SCN1A: variants seen among roughly 807,000 people sequenced by gnomAD.
SCN1A encodes the protein sodium voltage-gated channel alpha subunit 1.
A neutral mutation model predicts 193.7 loss-of-function variants in SCN1A; 13 were observed. The ratio of observed to expected loss-of-function variants is 0.07; its 90% CI spans 0.04 to 0.11. SCN1A has a LOEUF of 0.11. Ranked by LOEUF, SCN1A falls within the 10% of genes least tolerant of loss-of-function variation. SCN1A has a pLI of 1.00. For synonymous variants in SCN1A, 781 were observed against 843.6 expected (o/e 0.93, Z 1.29); for missense variants, 1,432 against 2,451.1 (o/e 0.58, Z 8.78).
chr2:166,139,413 TAGTGAATA>T (rs1264038832), intron 1 of SCN1A, among the ~76,000 whole-genome samples: 1 of 152,148 alleles, frequency 6.6e-6, no homozygotes, highest in Non-Finnish European at 1.5e-5. Context: ...GTTCTCATGA[TAGTGAATA>T]AGTCTCACAA....
At chr2:166,077,421 C>T (rs1685092733) in intron 3 of SCN1A, among the ~76,000 whole-genome samples, 1 of 151,810 alleles carries the variant, frequency 6.6e-6, no homozygotes, top group Non-Finnish European at 1.5e-5. Flanking sequence ...AGACACTTCA[C>T]CAAAGAAGAC....
chr2:166,135,998 A>G (rs773283589), intron 1 of SCN1A, among the ~76,000 whole-genome samples: 1 of 152,228 alleles, frequency 6.6e-6, no homozygotes, highest in Non-Finnish European at 1.5e-5. Flanking sequence ...ATGAAAGGCA[A>G]ACAGATTCTT....
chr2:165,986,295 T>G lies in SCN1A; in HGVS notation c.*4950A>C, dbSNP rs1228567172. The stretch of plus-strand genomic sequence containing the variant: ...GCTTAACTATAGACATATGAAAACC[T>G]TGTCATAAGGGTGCTGCTCTGTGGA... On this transcript the variant is annotated 3_prime_UTR_variant, in exon 29 of 29. Coordinates refer to ENST00000674923, the MANE Select transcript of SCN1A (RefSeq NM_001165963.4). 6.6e-6 allele frequency: 1 copy of G among 152,096 alleles called. No homozygotes were observed. The highest frequency in any genetic ancestry group is 1.5e-5 in the Non-Finnish European group (1 of 67,992). 9.4% of individuals were successfully genotyped at this position (152,096 alleles called of 1,614,324 possible).
intron 19 of SCN1A, among the ~76,000 whole-genome samples, chr2:166,035,383 C>G (rs755210883): frequency 6.6e-6 from 1 of 151,950 alleles, no homozygotes; most frequent in Non-Finnish European, 1.5e-5. Flanking sequence ...ACTATATTAC[C>G]CTTTAATTTA....
In SCN1A at chr2:166,031,804, G is replaced by T. The variant is rs1323023480; in HGVS notation, c.3429+4244C>A. On this transcript the variant is annotated intron_variant, in intron 19 of 28. Transcript: ENST00000674923. Reference sequence around the variant, plus strand: ...TCATTTAATACTCTGTCCCAGAAATGCAGTCAGTAACATTATGCACATTTT... The same window carrying T: ...TCATTTAATACTCTGTCCCAGAAATTCAGTCAGTAACATTATGCACATTTT... 2.6e-5 allele frequency among the ~76,000 whole-genome samples: 4 copies of T among 152,068 alleles called. No individual in the cohort carries two copies. The East Asian group carries it at 5.8e-4, about 22-fold the overall frequency.
intron 4 of SCN1A, among the ~76,000 whole-genome samples, chr2:166,072,108 G>C (rs1258816347): frequency 3.9e-5 from 6 of 152,098 alleles, no homozygotes; most frequent in African/African-American, 1.4e-4. Context: ...ACTTCACACA[G>C]AACTGGGCCA....
chr2:166,042,153 TATAAG>T, intron 15 of SCN1A, 134 bp downstream of exon 15: 1 of 770,366 alleles, frequency 1.3e-6, no homozygotes, highest in South Asian at 1.8e-5. Context: ...TCTGAGTAGA[TATAAG>T]AAATAACAGC....
rs114396026 is a variant in SCN1A at position 166,013,965 on chromosome 2, C to T, written c.3551-67G>A. 2,400 of 1,564,764 alleles carry T rather than the reference C, an allele frequency of 1.5e-3. 37 individuals carry two copies. In the African/African-American group the frequency reaches 0.03, roughly 19 times the overall value. Reference sequence around the variant, plus strand: ...CTTCCATAATATCCTTTAGCAATGTCCTTGTCTTGTCTTTTTATTACTATG... The same window carrying T: ...CTTCCATAATATCCTTTAGCAATGTTCTTGTCTTGTCTTTTTATTACTATG... On this transcript the variant is annotated intron_variant, in intron 20 of 28. Transcript: ENST00000674923.
intron 1 of SCN1A, 194 bp from the exon 2 acceptor site, chr2:166,127,204 A>G (rs1691349151): frequency 6.6e-6 from 1 of 152,172 alleles, no homozygotes; most frequent in Non-Finnish European, 1.5e-5. Context: ...GGGGGCGGAA[A>G]TCATTGCCCC....
chr2:166,101,187 T>G (rs1486343770), intron 2 of SCN1A, among the ~76,000 whole-genome samples: 1 of 151,102 alleles, frequency 6.6e-6, no homozygotes, highest in South Asian at 2.1e-4. Flanking sequence ...CCATAAAAAA[T>G]GATGAGTTCA....
rs113696479 is a variant in SCN1A, at chr2:165,991,072, T to TC, written c.*172dup. ...AAGGTCATCTCCCCTTTACACAGAG[T>TC]CACAGTTTGCTGACAAGGGGTCACT... On this transcript the variant is annotated 3_prime_UTR_variant, in exon 29 of 29. Coordinates refer to ENST00000674923, the MANE Select transcript of SCN1A (RefSeq NM_001165963.4). 0.011 allele frequency: 6,867 copies of TC among 614,666 alleles called. 411 individuals are homozygous for TC. The African/African-American group carries it at 0.12, about 10-fold the overall frequency. 38.1% of individuals were successfully genotyped at this position (614,666 alleles called of 1,614,324 possible).
At chr2:166,026,774 C>T (rs777113390) in intron 19 of SCN1A, among the ~76,000 whole-genome samples, 6 of 148,476 alleles carry the variant, frequency 4.0e-5, no homozygotes, top group African/African-American at 7.5e-5. Context: ...AGCTCCGCCT[C>T]CCAGGTTCAT....
chr2:166,077,518 A>G (rs1425655539), intron 3 of SCN1A, among the ~76,000 whole-genome samples, 192 bp downstream of exon 3: 1 of 151,926 alleles, frequency 6.6e-6, no homozygotes, highest in Non-Finnish European at 1.5e-5. Flanking sequence ...ACAATAAGAT[A>G]GCACTACACC....
chr2:166,009,432 G>A (rs1378162729), intron 23 of SCN1A: 1 of 234,254 alleles, frequency 4.3e-6, no homozygotes, highest in African/African-American at 2.3e-5. Flanking sequence ...CTTTAATAAT[G>A]CATCAGCTTT....
Position 166,046,678 on chromosome 2 carries a change from A to C in SCN1A, c.1377+92T>G, listed in dbSNP as rs538921. The C allele has an allele frequency of 0.96, 1,156,621 of 1,205,826 alleles. 555,107 individuals are homozygous for C. Among genetic ancestry groups the C allele is most frequent in the East Asian group, 0.98 (41,370 of 42,170 alleles). The allele number at this position is 1,205,826 out of a possible 1,614,324, so 74.7% of individuals were successfully genotyped here. On this transcript the variant is annotated intron_variant, in intron 12 of 28. Coordinates refer to ENST00000674923, the MANE Select transcript of SCN1A (RefSeq NM_001165963.4). ...AGAAATCATTATTAATTCCTCATAC[A>C]ACCACCTGCTCTTAGGTACTCACTT...
rs150550908 is a variant in SCN1A, at chr2:166,125,424, C to T, written c.-142+1500G>A. Among the ~76,000 whole-genome samples, 250 of 152,266 alleles carry T rather than the reference C, an allele frequency of 1.6e-3. 1 individual carries two copies. Among genetic ancestry groups the T allele is most frequent in the African/African-American group, 5.8e-3 (242 of 41,544 alleles). Reference sequence around the variant, plus strand: ...CCCCAGGCTAAATTTTGGAGGGATGCTTTTGTGTGTCACTGTCAGGCTCAC... The same window carrying T: ...CCCCAGGCTAAATTTTGGAGGGATGTTTTTGTGTGTCACTGTCAGGCTCAC... On this transcript the variant is annotated intron_variant, in intron 2 of 28. Transcript: ENST00000674923.
Position 166,038,076 on chromosome 2 carries a change from G to A in SCN1A, c.2646C>T (p.Ile882=). ...CCAGAGCCCCCACGGAATTGCCGAT[G>A]ATCTTTATTAGCATATTTAACGTTG... ...SWPTLNMLIK[I]IGNSVGALGN... The change falls in exon 18 of 29, where the codon ATC becomes ATT. Residue 882 remains isoleucine, a synonymous_variant. Transcript: ENST00000674923. 1 of 1,614,106 alleles carries A rather than the reference G, an allele frequency of 6.2e-7. No homozygotes were observed. Among genetic ancestry groups the A allele is most frequent in the Non-Finnish European group, 8.5e-7 (1 of 1,179,966 alleles).
Position 166,036,501 on chromosome 2 carries a change from C to G in SCN1A, c.2976G>C (p.Leu992=), listed in dbSNP as rs1251469901. 1 of 1,613,352 alleles carries G rather than the reference C, an allele frequency of 6.2e-7. No individual in the cohort carries two copies. The highest frequency in any genetic ancestry group is 2.2e-5 in the East Asian group (1 of 44,840). Residue 992 remains leucine, a synonymous_variant, in exon 19 of 29, where the codon CTG becomes CTC. Coordinates refer to ENST00000674923, the MANE Select transcript of SCN1A (RefSeq NM_001165963.4). ...VVLNLFLALL[L]SSFSADNLAA... The stretch of plus-strand genomic sequence containing the variant: ...CAAGGTTGTCTGCACTAAATGAGCT[C>G]AGAAGCAAGGCCAGAAAGAGATTCA...
At chr2:166,002,258 T>C (rs531762640) in intron 24 of SCN1A, among the ~76,000 whole-genome samples, 1 of 151,812 alleles carries the variant, frequency 6.6e-6, no homozygotes, top group South Asian at 2.1e-4. Flanking sequence ...AAAGAGGTCT[T>C]TGTTTGGTCT....
Sources: allele counts gnomAD v4.1 joint callset (sites outside exome capture counted in the v4.1 genomes callset), GRCh38; gene constraint gnomAD v4.1.1; transcripts MANE v1.5; gene names NCBI Gene and HGNC (gene_info 2026-07-23, HGNC 2026-07-21).